Variants in KIRREL3 observed in about 807,000 individuals in gnomAD.
The protein encoded by KIRREL3 is kin of IRRE-like protein 3.
In KIRREL3, 36 loss-of-function variants were observed where a neutral mutation model predicts 89.7. The observed-to-expected ratio is 0.40, with a 90% CI of 0.31 to 0.53. The LOEUF is 0.53. Ranked by LOEUF, KIRREL3 falls within the 20% of genes least tolerant of loss-of-function variation. The pLI, the probability that KIRREL3 is intolerant of heterozygous loss-of-function variation, is 0.49. For synonymous variants in KIRREL3, 445 were observed against 441.4 expected (o/e 1.01, Z -0.10); for missense variants, 864 against 1,056.6 (o/e 0.82, Z 2.53).
chr11:126,839,132 C>T (rs890485128), intron 1 of KIRREL3, among the ~76,000 whole-genome samples: 2 of 152,140 alleles, frequency 1.3e-5, no homozygotes, highest in African/African-American at 2.4e-5. Flanking sequence ...CCATGGAGAG[C>T]GCCTTTGTGC....
In KIRREL3 at chr11:126,903,160, A is replaced by C. The variant is rs1946438311; in HGVS notation, c.55+97295T>G. Among the ~76,000 whole-genome samples the C allele has an allele frequency of 6.6e-6, 1 of 152,208 alleles. No individual in the cohort carries two copies. The highest frequency in any genetic ancestry group is 1.5e-5 in the Non-Finnish European group (1 of 68,026). On this transcript the variant is annotated intron_variant, in intron 1 of 16. Coordinates refer to ENST00000525144, the MANE Select transcript of KIRREL3 (RefSeq NM_032531.4). This position sits in a 1 kb window ranked among gnomAD's most constrained non-coding sequence, Gnocchi z 4.5. ...TCAGGCACAAATATGCTTCTGATTT[A>C]AGAAATTATTATAGAAAAATGCTGG...
chr11:126,453,133 C>T (rs533748203), intron 7 of KIRREL3, among the ~76,000 whole-genome samples: 2 of 151,366 alleles, frequency 1.3e-5, no homozygotes, highest in Admixed American at 1.3e-4. Flanking sequence ...AAGCCTCTCC[C>T]AATCAATGTC....
intron 1 of KIRREL3, among the ~76,000 whole-genome samples, chr11:126,679,127 T>C (rs1227181230): frequency 6.6e-6 from 1 of 152,214 alleles, no homozygotes; most frequent in Non-Finnish European, 1.5e-5. Flanking sequence ...TGAATGTGGA[T>C]GTGATGACTG....
At chr11:126,820,849 G>A (rs549673528) in intron 1 of KIRREL3, among the ~76,000 whole-genome samples, 1 of 152,282 alleles carries the variant, frequency 6.6e-6, no homozygotes, top group East Asian at 1.9e-4. Context: ...CCTTTTCCAG[G>A]TGTGGAAACT....
rs60261632 is a variant in KIRREL3 at position 126,497,110 on chromosome 11, CTGTG to C, written c.434-23648_434-23645del. Among the ~76,000 whole-genome samples the C allele has an allele frequency of 3.5e-3, 516 of 149,096 alleles. 3 individuals are homozygous for C. The highest frequency in any genetic ancestry group is 0.012 in the African/African-American group (487 of 40,652). ...GTGCCTGGGCTTAAAGCCTGCTTGG[CTGTG>C]TGTGTGTGTGTGTGTGTGACAGAGA... On this transcript the variant is annotated intron_variant, in intron 4 of 16. Coordinates refer to ENST00000525144, the MANE Select transcript of KIRREL3 (RefSeq NM_032531.4).
rs528103038 is a variant in KIRREL3 at position 126,750,557 on chromosome 11, C to A, written c.56-187645G>T. 1.4e-3 allele frequency among the ~76,000 whole-genome samples: 212 copies of A among 152,274 alleles called. 1 individual carries two copies. The highest frequency in any genetic ancestry group is 0.013 in the South Asian group (63 of 4,810). ...TAGGGCAACTGGGCTGGGCCAGGGT[C>A]ACTAGCCTGAGCTGTGGCTAGTGGT... On this transcript the variant is annotated intron_variant, in intron 1 of 16. Coordinates refer to ENST00000525144, the MANE Select transcript of KIRREL3 (RefSeq NM_032531.4). This position sits in a 1 kb window ranked among gnomAD's most constrained non-coding sequence, Gnocchi z 4.2.
rs1051556676 is a variant in KIRREL3, at chr11:126,655,175, A to G, written c.56-92263T>C. On this transcript the variant is annotated intron_variant, in intron 1 of 16. Coordinates refer to ENST00000525144, the MANE Select transcript of KIRREL3 (RefSeq NM_032531.4). This position sits in a 1 kb window ranked among gnomAD's most constrained non-coding sequence, Gnocchi z 5.0. The stretch of plus-strand genomic sequence containing the variant: ...GGAGAAGAAAGTGCAGGGTTGGGGT[A>G]CGGGGAAAGGGGTAAGAAAGGAGAT... Among the ~76,000 whole-genome samples, 1 of 152,244 alleles carries G rather than the reference A, an allele frequency of 6.6e-6. No individual in the cohort carries two copies.
At chr11:126,456,503 G>A in intron 6 of KIRREL3, 49 bp from the exon 7 acceptor site, 1 of 1,220,244 alleles carries the variant, frequency 8.2e-7, no homozygotes, top group Non-Finnish European at 1.2e-6. Context: ...AATGGGGGCA[G>A]GGAGATCCTG....
At chr11:126,842,561 G>C (rs1293995102) in intron 1 of KIRREL3, among the ~76,000 whole-genome samples, 1 of 151,930 alleles carries the variant, frequency 6.6e-6, no homozygotes, top group Non-Finnish European at 1.5e-5. Context: ...CCTTCACTTG[G>C]GACCTCATCC....
rs1273360771 is a variant in KIRREL3, at chr11:126,811,068, A to G, written c.55+189387T>C. Among the ~76,000 whole-genome samples, 1 of 152,102 alleles carries G rather than the reference A, an allele frequency of 6.6e-6. No homozygotes were observed. Among genetic ancestry groups the G allele is most frequent in the Non-Finnish European group, 1.5e-5 (1 of 68,010 alleles). The stretch of plus-strand genomic sequence containing the variant: ...CTGTCTGCCTTCCCTGGCTACACCC[A>G]TGGGCACCTGGTGGCCCTGCTGAGG... On this transcript the variant is annotated intron_variant, in intron 1 of 16. Transcript: ENST00000525144. This position sits in a 1 kb window ranked among gnomAD's most constrained non-coding sequence, Gnocchi z 4.3.
chr11:126,792,051 G>C (rs1000312379), intron 1 of KIRREL3, among the ~76,000 whole-genome samples: 1 of 152,148 alleles, frequency 6.6e-6, no homozygotes, highest in African/African-American at 2.4e-5. Context: ...TTTTGGGGGA[G>C]ACTTGCTCTT....
chr11:126,678,599 C>CAAAAA lies in KIRREL3; in HGVS notation c.56-115692_56-115688dup, dbSNP rs59342253. The stretch of plus-strand genomic sequence containing the variant: ...TGGGCGATAGAGCAAGACTCTGTCT[C>CAAAAA]AAAAAAAAAAAAAAAAAAAAAAAAA... On this transcript the variant is annotated intron_variant, in intron 1 of 16. Coordinates refer to ENST00000525144, the MANE Select transcript of KIRREL3 (RefSeq NM_032531.4). Among the ~76,000 whole-genome samples the CAAAAA allele has an allele frequency of 8.8e-3, 442 of 50,022 alleles. 88 individuals are homozygous for CAAAAA. The highest frequency in any genetic ancestry group is 0.011 in the Non-Finnish European group (336 of 29,240). The allele number at this position is 50,022 out of a possible 152,430, so 32.8% of individuals were successfully genotyped here.
At chr11:126,457,439 ATGTG>A (rs1294953038) in intron 6 of KIRREL3, among the ~76,000 whole-genome samples, 4 of 149,810 alleles carry the variant, frequency 2.7e-5, no homozygotes, top group Non-Finnish European at 5.9e-5. Context: ...GCGTGTGTGT[ATGTG>A]TATGTGTGTG....
chr11:126,911,442 G>T (rs552987093), intron 1 of KIRREL3, among the ~76,000 whole-genome samples: 1 of 152,298 alleles, frequency 6.6e-6, no homozygotes, highest in African/African-American at 2.4e-5. Flanking sequence ...TGCAGAGACA[G>T]AGCAGGACTC....
intron 4 of KIRREL3, among the ~76,000 whole-genome samples, chr11:126,481,457 C>A (rs900611527): frequency 6.6e-6 from 1 of 152,216 alleles, no homozygotes; most frequent in African/African-American, 2.4e-5. Context: ...AGAGTCATGA[C>A]CCAACTGTCC....
rs1389534752 is a variant in KIRREL3, at chr11:126,424,507, C to A, written c.*73G>T. The A allele has an allele frequency of 9.7e-6, 14 of 1,449,338 alleles. No homozygotes were observed. The highest frequency in any genetic ancestry group is 3.8e-5 in the Admixed American group (2 of 52,328). The allele number at this position is 1,449,338 out of a possible 1,614,324, so 89.8% of individuals were successfully genotyped here. On this transcript the variant is annotated 3_prime_UTR_variant, in exon 17 of 17. Transcript: ENST00000525144. Reference sequence around the variant, plus strand: ...CAATTCTGGTGTCCTCTGCAAAGTACCCCTCGTCCCTGGACAACCAGAACG... The same window carrying A: ...CAATTCTGGTGTCCTCTGCAAAGTAACCCTCGTCCCTGGACAACCAGAACG...
At position 126,877,016 on chromosome 11, in the gene KIRREL3, A is replaced by G. The variant is rs963274688; in HGVS notation, c.55+123439T>C. Among the ~76,000 whole-genome samples, 1 of 152,214 alleles carries G rather than the reference A, an allele frequency of 6.6e-6. No individual in the cohort carries two copies. Among genetic ancestry groups the G allele is most frequent in the African/African-American group, 2.4e-5 (1 of 41,456 alleles). On this transcript the variant is annotated intron_variant, in intron 1 of 16. Transcript: ENST00000525144. The surrounding 1 kb of genome is among the most constrained non-coding windows in gnomAD (Gnocchi z 4.9). ...GAACAACAGATAAGGAAGAGGTGCA[A>G]GCTGCTGAGGTCTGCATAAGAATAA...
chr11:126,918,144 C>A lies in KIRREL3; in HGVS notation c.55+82311G>T, dbSNP rs568861722. Among the ~76,000 whole-genome samples the A allele has an allele frequency of 2.6e-5, 4 of 152,192 alleles. No homozygotes were observed. The highest frequency in any genetic ancestry group is 6.8e-3 in the Middle Eastern group (2 of 294). ...CACGGTATGGCAGTTGAAGGACACA[C>A]GACTTGAGGGAGATGGATGTTACTG... On this transcript the variant is annotated intron_variant, in intron 1 of 16. Transcript: ENST00000525144. The surrounding 1 kb of genome is among the most constrained non-coding windows in gnomAD (Gnocchi z 6.5).
rs183555705 is a variant in KIRREL3 at position 126,503,023 on chromosome 11, C to T, written c.433+18292G>A. Among the ~76,000 whole-genome samples, 528 of 152,214 alleles carry T rather than the reference C, an allele frequency of 3.5e-3. 10 individuals are homozygous for T. Among genetic ancestry groups the T allele is most frequent in the Non-Finnish European group, 7.5e-4 (51 of 68,018 alleles). ...AAAACATGAACTAAAAGCTTTGCAG[C>T]GCTTAAGTAATAATAATGTCAGCAT... is the stretch of plus-strand genomic sequence containing the variant. On this transcript the variant is annotated intron_variant, in intron 4 of 16. Coordinates refer to ENST00000525144, the MANE Select transcript of KIRREL3 (RefSeq NM_032531.4).
Sources: allele counts gnomAD v4.1 joint callset (sites outside exome capture counted in the v4.1 genomes callset), GRCh38; gene constraint gnomAD v4.1.1; non-coding constraint Gnocchi (gnomAD v3.1); transcripts MANE v1.5; gene names NCBI Gene and HGNC (gene_info 2026-07-23, HGNC 2026-07-21).